The following ZNF100 variants were observed in gnomAD, a reference collection of about 807,000 sequenced individuals.
ZNF100 encodes zinc finger protein 100 (Y1).
ZNF100 carries 12 observed loss-of-function variants against 15.8 expected under a neutral mutation model. The observed-to-expected ratio is 0.76, with a 90% CI of 0.49 to 1.23. ZNF100 has a LOEUF of 1.23. ZNF100 is among the 50% of genes most tolerant of loss of function. The pLI is 0.00. For synonymous variants in ZNF100, 226 were observed against 214.8 expected, an observed-to-expected ratio of 1.05 and a Z score of -0.45; for missense variants, 670 against 635.6, an observed-to-expected ratio of 1.05 and a Z score of -0.58.
At chr19:21,745,392 A>G (rs2036194187) in intron 2 of ZNF100, among the ~76,000 whole-genome samples, 1 of 152,224 alleles carries the variant, frequency 6.6e-6, no homozygotes, top group Non-Finnish European at 1.5e-5. Context: ...TATATTTTTC[A>G]GACAAAAAAG....
At chr19:21,759,767 A>G (rs34063259) in intron 2 of ZNF100, among the ~76,000 whole-genome samples, 12,530 of 152,276 alleles carry the variant, frequency 0.082, 641 homozygotes, top group South Asian at 0.18. Flanking sequence ...GTTACACCAT[A>G]ATGGTCTAAA....
intron 2 of ZNF100, among the ~76,000 whole-genome samples, chr19:21,764,515 C>T (rs1247609878): frequency 6.6e-6 from 1 of 151,938 alleles, no homozygotes; most frequent in Non-Finnish European, 1.5e-5. Context: ...AGTGGTGCGC[C>T]TCTAATCGCA....
intron 2 of ZNF100, chr19:21,751,177 T>C: frequency 7.5e-7 from 1 of 1,329,888 alleles, no homozygotes; most frequent in Non-Finnish European, 1.1e-6. Flanking sequence ...AAATCATCTA[T>C]CTCCAGGGCA....
Position 21,723,985 on chromosome 19 carries a change from T to G in ZNF100, c.*2698A>C, listed in dbSNP as rs191522008. 48 of 152,306 alleles carry G rather than the reference T, an allele frequency of 3.2e-4. 1 individual carries two copies. Among genetic ancestry groups the G allele is most frequent in the East Asian group, 3.1e-3 (16 of 5,186 alleles). The allele number at this position is 152,306 out of a possible 1,614,324, so 9.4% of individuals were successfully genotyped here. On this transcript the variant is annotated 3_prime_UTR_variant, in exon 5 of 5. Coordinates refer to ENST00000358296, the MANE Select transcript of ZNF100 (RefSeq NM_173531.4). ...TGGAATTACATTTAAAAATTTTGTA[T>G]GCACTAAATTTTGTAAAAATTATTC...
At chr19:21,730,198 A>G (rs754334719) in intron 4 of ZNF100, among the ~76,000 whole-genome samples, 3 of 152,038 alleles carry the variant, frequency 2.0e-5, no homozygotes, top group Non-Finnish European at 4.4e-5. Flanking sequence ...TTAAAAACTG[A>G]GATCCAACTT....
In ZNF100 at chr19:21,727,114, A is replaced by G. The variant is rs141910157; in HGVS notation, c.1198T>C (p.Phe400Leu). Residue 400 changes from phenylalanine to leucine, a missense_variant, in exon 5 of 5, where the codon TTC becomes CTC. Physicochemically the swap from Phe to Leu is conservative, Grantham distance 22 (BLOSUM62 0). Coordinates refer to ENST00000358296, the MANE Select transcript of ZNF100 (RefSeq NM_173531.4). Reference sequence around the variant, plus strand: ...TTGCCGCATTCTTCACATTTGTAGAATTTCTCTCCAGTATGACTTGTCTTA... The same window carrying G: ...TTGCCGCATTCTTCACATTTGTAGAGTTTCTCTCCAGTATGACTTGTCTTA... ...KHKTSHTGEK[F>L]YKCEECGKGF... is the part of the protein sequence containing the mutation. 529 of 1,608,400 alleles carry G rather than the reference A, an allele frequency of 3.3e-4. 2 individuals are homozygous for G. In the African/African-American group the frequency reaches 5.9e-3, roughly 18 times the overall value.
chr19:21,758,183 T>G (rs1316084476), intron 2 of ZNF100, among the ~76,000 whole-genome samples: 1 of 151,668 alleles, frequency 6.6e-6, no homozygotes, highest in Admixed American at 6.6e-5. Flanking sequence ...AGAAAACTCA[T>G]GCAGAACACA....
At chr19:21,742,272 C>T (rs2036123732) in intron 4 of ZNF100, among the ~76,000 whole-genome samples, 2 of 137,760 alleles carry the variant, frequency 1.5e-5, no homozygotes, top group South Asian at 2.3e-4. Context: ...ACTCCAGCCT[C>T]GGCGACAGAG....
At position 21,758,866 on chromosome 19, in the gene ZNF100, G is replaced by A. The variant is rs569800585; in HGVS notation, c.96+6828C>T. Among the ~76,000 whole-genome samples, 87 of 152,124 alleles carry A rather than the reference G, an allele frequency of 5.7e-4. 1 individual carries two copies. The highest frequency in any genetic ancestry group is 2.0e-4 in the Admixed American group (3 of 15,266). The stretch of plus-strand genomic sequence containing the variant: ...TACCCTAGAAGATCTGGAATCACAC[G>A]ACAATGAAAGGCTTTGTTCTCCTTT... On this transcript the variant is annotated intron_variant, in intron 2 of 4. Coordinates refer to ENST00000358296, the MANE Select transcript of ZNF100 (RefSeq NM_173531.4).
chr19:21,764,667 C>A (rs1474242188), intron 2 of ZNF100, among the ~76,000 whole-genome samples: 3 of 151,246 alleles, frequency 2.0e-5, no homozygotes, highest in Non-Finnish European at 4.4e-5. Flanking sequence ...GCAAAAGTAT[C>A]TATTTCTTTC....
rs2035749454 is a variant in ZNF100 at position 21,724,933 on chromosome 19, C to T, written c.*1750G>A. On this transcript the variant is annotated 3_prime_UTR_variant, in exon 5 of 5. Transcript: ENST00000358296. ...GGGCATGGTGGTGGGTGCCTGTAATCCCAGCTACTTAGGAGGCTGAGGCAG... is the reference window on the plus strand; with the variant it reads ...GGGCATGGTGGTGGGTGCCTGTAATTCCAGCTACTTAGGAGGCTGAGGCAG... 6.6e-6 allele frequency: 1 copy of T among 152,064 alleles called. No individual in the cohort carries two copies. Among genetic ancestry groups the T allele is most frequent in the Non-Finnish European group, 1.5e-5 (1 of 68,030 alleles). The allele number at this position is 152,064 out of a possible 1,614,324, so 9.4% of individuals were successfully genotyped here.
intron 2 of ZNF100, among the ~76,000 whole-genome samples, chr19:21,761,517 G>A (rs1178184482): frequency 5.3e-5 from 8 of 152,068 alleles, no homozygotes; most frequent in African/African-American, 1.9e-4. Flanking sequence ...CCCTGTACAG[G>A]GTTCCTGGCT....
chr19:21,726,911 G>A lies in ZNF100; in HGVS notation c.1401C>T (p.Asn467=), dbSNP rs1368105748. ...YKCDECGKAF[N]RSSQLTAHKM... ...TATGTGCAGTTAGTTGTGAGGACCG[G>A]TTAAAGGCTTTGCCACATTCGTCAC... Residue 467 remains asparagine, a synonymous_variant, in exon 5 of 5, where the codon AAC becomes AAT. Coordinates refer to ENST00000358296, the MANE Select transcript of ZNF100 (RefSeq NM_173531.4). 1.2e-6 allele frequency: 2 copies of A among 1,611,734 alleles called. No individual in the cohort carries two copies. Among genetic ancestry groups the A allele is most frequent in the Non-Finnish European group, 1.7e-6 (2 of 1,179,294 alleles).
chr19:21,764,045 C>T (rs2036522621), intron 2 of ZNF100, among the ~76,000 whole-genome samples: 1 of 152,262 alleles, frequency 6.6e-6, no homozygotes, highest in South Asian at 2.1e-4. Context: ...GCCTGTGAGC[C>T]CCCAGCTTTC....
chr19:21,758,776 G>T (rs2036432596), intron 2 of ZNF100, among the ~76,000 whole-genome samples: 1 of 152,160 alleles, frequency 6.6e-6, no homozygotes, highest in Non-Finnish European at 1.5e-5. Context: ...GAATCCTGTG[G>T]TGATAGCTGT....
chr19:21,731,500 C>A (rs985360690), intron 4 of ZNF100, among the ~76,000 whole-genome samples: 4 of 151,784 alleles, frequency 2.6e-5, no homozygotes, highest in African/African-American at 9.7e-5. Context: ...GCAGAGACAG[C>A]ATTTCACCAT....
rs780897383 is a variant in ZNF100, at chr19:21,727,545, G to A, written c.767C>T (p.Thr256Ile). 1 of 1,613,904 alleles carries A rather than the reference G, an allele frequency of 6.2e-7. No homozygotes were observed. The highest frequency in any genetic ancestry group is 2.2e-5 in the East Asian group (1 of 44,862). The change falls in exon 5 of 5, where the codon ACT becomes ATT. Residue 256 changes from threonine to isoleucine, a missense_variant. Transcript: ENST00000358296. ...TTCACATTTGTAGGGTTTCTCTCCA[G>A]TATGAATTCTCCTGTGTGTAGTAAG... is the stretch of plus-strand genomic sequence containing the variant. Reference protein sequence around the residue: ...STLTTHRRIHTGEKPYKCEEC... With the variant: ...STLTTHRRIHIGEKPYKCEEC...
intron 4 of ZNF100, among the ~76,000 whole-genome samples, chr19:21,742,302 CAAAA>C (rs35299156): frequency 3.0e-5 from 2 of 65,698 alleles, no homozygotes; most frequent in Non-Finnish European, 6.5e-5. Context: ...GTCCCCCACC[CAAAA>C]AAAAAAAAAA....
chr19:21,723,169 T>A lies in ZNF100; in HGVS notation c.*3514A>T, dbSNP rs1332737312. 3 of 151,318 alleles carry A rather than the reference T, an allele frequency of 2.0e-5. No individual in the cohort carries two copies. The highest frequency in any genetic ancestry group is 4.4e-5 in the Non-Finnish European group (3 of 67,916). 9.4% of individuals were successfully genotyped at this position (151,318 alleles called of 1,614,324 possible). On this transcript the variant is annotated 3_prime_UTR_variant, in exon 5 of 5. Coordinates refer to ENST00000358296, the MANE Select transcript of ZNF100 (RefSeq NM_173531.4). ...GAGTTTGAAACCAGCCTGGCCAACA[T>A]GGTGAAACTTCGTCTCTACAAAAAA...
Sources: allele counts gnomAD v4.1 joint callset (sites outside exome capture counted in the v4.1 genomes callset), GRCh38; gene constraint gnomAD v4.1.1; transcripts MANE v1.5; gene names NCBI Gene and HGNC (gene_info 2026-07-23, HGNC 2026-07-21).